The following CELF2 variants were observed in gnomAD, a reference collection of about 807,000 sequenced individuals.
CELF2 encodes CUG triplet repeat RNA-binding protein 2.
A neutral mutation model predicts 62.6 loss-of-function variants in CELF2; 8 were observed. That is an observed-to-expected ratio of 0.13 (90% confidence interval 0.07 to 0.23). The LOEUF (loss-of-function observed/expected upper bound fraction) is 0.23, where lower values mean the gene tolerates loss of function less well. Ranked by LOEUF, CELF2 falls within the 10% of genes least tolerant of loss-of-function variation. The pLI, the probability that CELF2 is intolerant of heterozygous loss-of-function variation, is 1.00. For synonymous variants in CELF2, 258 were observed against 250.0 expected (o/e 1.03, Z -0.30); for missense variants, 333 against 671.0 (o/e 0.50, Z 5.56).
At chr10:11,137,174 G>A (rs181936956) in intron 1 of CELF2, among the ~76,000 whole-genome samples, 5 of 152,340 alleles carry the variant, frequency 3.3e-5, no homozygotes, top group Admixed American at 2.0e-4. Flanking sequence ...AAGTTATGGT[G>A]TAAGAGCTTT....
the CELF2 span, among the ~76,000 whole-genome samples, chr10:10,682,879 C>T: frequency 6.6e-6 from 1 of 152,040 alleles, no homozygotes; most frequent in African/African-American, 2.4e-5. Flanking sequence ...GGAGACTGTT[C>T]TGAAACTGAA....
intron 2 of CELF2, among the ~76,000 whole-genome samples, chr10:11,201,353 T>A (rs936712750): frequency 3.3e-5 from 5 of 152,196 alleles, no homozygotes; most frequent in Admixed American, 1.3e-4. Context: ...CTTTCCTCCA[T>A]GTGGTGATGC....
the CELF2 span, among the ~76,000 whole-genome samples, chr10:10,638,016 CA>C: frequency 1.3e-4 from 20 of 152,112 alleles, 1 homozygote; most frequent in Admixed American, 1.2e-3. Flanking sequence ...AATAGTTCAT[CA>C]AAAAAGAATC....
At chr10:11,091,372 C>T (rs1420224102) in intron 1 of CELF2, among the ~76,000 whole-genome samples, 1 of 152,164 alleles carries the variant, frequency 6.6e-6, no homozygotes, top group Non-Finnish European at 1.5e-5. Flanking sequence ...AGAAACATGG[C>T]CTCTTTTACA....
At chr10:10,483,712 C>A in the CELF2 span, among the ~76,000 whole-genome samples, 3 of 151,984 alleles carry the variant, frequency 2.0e-5, no homozygotes, top group African/African-American at 7.3e-5. Context: ...GGCTGGTGTC[C>A]AGTCCAGTGA....
chr10:10,973,724 AC>A (rs1247466297), intron 2 of CELF2, among the ~76,000 whole-genome samples: 1 of 151,962 alleles, frequency 6.6e-6, no homozygotes, highest in African/African-American at 2.4e-5. Context: ...GTGCCACCAC[AC>A]CTGGCTAATT....
the CELF2 span, among the ~76,000 whole-genome samples, chr10:10,752,701 A>AAAG: frequency 6.8e-6 from 1 of 146,726 alleles, no homozygotes; most frequent in South Asian, 2.2e-4. Context: ...AAAAAAAAAA[A>AAAG]AAAAAAGAAA....
the CELF2 span, among the ~76,000 whole-genome samples, chr10:10,750,188 A>G: frequency 2.6e-5 from 4 of 152,146 alleles, no homozygotes; most frequent in Non-Finnish European, 4.4e-5. Flanking sequence ...AGGCTGAGGC[A>G]GGAGAATTGC....
intron 1 of CELF2, among the ~76,000 whole-genome samples, chr10:11,111,139 T>C (rs1730041549): frequency 6.6e-6 from 1 of 152,206 alleles, no homozygotes. Flanking sequence ...GTGGCATTTA[T>C]TAATGGAGTG....
rs368398732 is a variant in CELF2, at chr10:11,109,782, G to A, written c.75-55704G>A. ...AAGCAACGCTTGTGCTCTGCAGGCC[G>A]GTTATTTAACTCCTGCATGCACATG... On this transcript the variant is annotated intron_variant, in intron 1 of 12. Coordinates refer to ENST00000633077, the MANE Select transcript of CELF2 (RefSeq NM_001326342.2). Among the ~76,000 whole-genome samples the A allele has an allele frequency of 1.6e-4, 24 of 152,218 alleles. No individual in the cohort carries two copies. The South Asian group carries it at 3.5e-3, about 22-fold the overall frequency.
chr10:10,543,837 T>C, the CELF2 span, among the ~76,000 whole-genome samples: 10 of 152,150 alleles, frequency 6.6e-5, no homozygotes, highest in African/African-American at 2.4e-4. Flanking sequence ...CAGTCTTCTG[T>C]GTCAGGTACC....
the CELF2 span, among the ~76,000 whole-genome samples, chr10:10,775,604 ACT>A: frequency 8.0e-6 from 1 of 125,294 alleles, no homozygotes; most frequent in East Asian, 3.1e-4. Flanking sequence ...ACAGAGAGAG[ACT>A]CTGTCTCAAA....
chr10:10,549,849 G>T, the CELF2 span, among the ~76,000 whole-genome samples: 5 of 152,158 alleles, frequency 3.3e-5, no homozygotes, highest in South Asian at 1.0e-3. Flanking sequence ...GCTCATAAAA[G>T]GTAGGTTCCC....
At chr10:11,239,632 T>C (rs2073020949) in intron 3 of CELF2, among the ~76,000 whole-genome samples, 1 of 152,262 alleles carries the variant, frequency 6.6e-6, no homozygotes, top group Non-Finnish European at 1.5e-5. Context: ...CTGTAGTTTT[T>C]TTCCCCTGGT....
intron 1 of CELF2, among the ~76,000 whole-genome samples, chr10:11,038,198 C>G (rs1039066930): frequency 6.6e-6 from 1 of 152,178 alleles, no homozygotes; most frequent in African/African-American, 2.4e-5. Flanking sequence ...CAAAGAGGAG[C>G]TGAGGTCAGC....
At chr10:10,691,532 TG>T in the CELF2 span, among the ~76,000 whole-genome samples, 6 of 151,964 alleles carry the variant, frequency 3.9e-5, no homozygotes, top group African/African-American at 1.2e-4. Context: ...AGTAATGGGA[TG>T]GGCTGGGTCA....
chr10:11,314,316 A>C lies in CELF2; in HGVS notation c.1096+58A>C. The C allele has an allele frequency of 6.2e-7, 1 of 1,612,820 alleles. No individual in the cohort carries two copies. The highest frequency in any genetic ancestry group is 8.5e-7 in the Non-Finnish European group (1 of 1,178,914). ...TGGACAGCCTTCCCCCAAATTCTCC[A>C]CAGAAAGTGGTCAGCCAGAAATGAC... On this transcript the variant is annotated intron_variant, in intron 10 of 12. Transcript: ENST00000633077. The surrounding 1 kb of genome is among the most constrained non-coding windows in gnomAD (Gnocchi z 5.3).
At chr10:10,551,246 T>C in the CELF2 span, among the ~76,000 whole-genome samples, 1 of 152,152 alleles carries the variant, frequency 6.6e-6, no homozygotes, top group African/African-American at 2.4e-5. Flanking sequence ...TCTATGACCC[T>C]TCAGAGACCC....
At chr10:10,464,002 A>G in the CELF2 span, among the ~76,000 whole-genome samples, 1 of 150,304 alleles carries the variant, frequency 6.7e-6, no homozygotes, top group South Asian at 2.1e-4. Context: ...GTTGTATGCT[A>G]TTTGCATCTT....
Sources: allele counts gnomAD v4.1 joint callset (sites outside exome capture counted in the v4.1 genomes callset), GRCh38; gene constraint gnomAD v4.1.1; non-coding constraint Gnocchi (gnomAD v3.1); transcripts MANE v1.5; gene names NCBI Gene and HGNC (gene_info 2026-07-23, HGNC 2026-07-21).